Variants in CCDC30 observed in about 807,000 individuals in gnomAD.
The protein encoded by CCDC30 is coiled-coil domain containing 30, also known as coiled-coil domain-containing protein 30.
Under a neutral mutation model 100.2 loss-of-function variants are expected in CCDC30, and 70 were observed. That is an observed-to-expected ratio of 0.70 (90% CI 0.58 to 0.85). CCDC30 has a LOEUF of 0.85. Among genes scored for constraint, CCDC30 ranks in the 40% least tolerant of loss-of-function variants. CCDC30 has a pLI of 0.00. For synonymous variants in CCDC30, 233 were observed against 269.5 expected (o/e 0.86, Z 1.33); for missense variants, 652 against 771.2 (o/e 0.85, Z 1.83).
intron 6 of CCDC30, among the ~76,000 whole-genome samples, chr1:42,557,904 T>C (rs1422152079): frequency 6.6e-6 from 1 of 151,842 alleles, no homozygotes; most frequent in Non-Finnish European, 1.5e-5. Context: ...TAAGAAAGGG[T>C]AATTGGCTTA....
At position 42,638,602 on chromosome 1, in the gene CCDC30, G is replaced by A. The variant is rs182587920; in HGVS notation, c.1419+1224G>A. Among the ~76,000 whole-genome samples the A allele has an allele frequency of 4.3e-3, 643 of 150,530 alleles. 6 individuals carry two copies. The highest frequency in any genetic ancestry group is 0.015 in the African/African-American group (612 of 41,028). On this transcript the variant is annotated intron_variant, in intron 12 of 16. Transcript: ENST00000668663. Reference sequence around the variant, plus strand: ...GAAAAGAAAAGAAGAGGCAGGGCACGGTGGCTTGCGCCTGTAATCCCAGCA... The same window carrying A: ...GAAAAGAAAAGAAGAGGCAGGGCACAGTGGCTTGCGCCTGTAATCCCAGCA...
exon 15 of CCDC30, chr1:42,646,158 A>T: frequency 1.3e-6 from 2 of 1,597,018 alleles, no homozygotes; most frequent in Non-Finnish European, 8.5e-7. Flanking sequence ...TTCCTGTTCC[A>T]AAATGGTGGC....
At chr1:42,481,610 A>G (rs1485941482) in intron 2 of CCDC30, among the ~76,000 whole-genome samples, 1 of 150,190 alleles carries the variant, frequency 6.7e-6, no homozygotes, top group Non-Finnish European at 1.5e-5. Context: ...TCACCTTGGG[A>G]CTATACATAT....
At chr1:42,456,154 A>T in the CCDC30 span, 1 of 650,190 alleles carries the variant, frequency 1.5e-6, no homozygotes, top group Non-Finnish European at 2.8e-6. Flanking sequence ...GTATTGCTGA[A>T]GTTGGAAAAG....
chr1:42,514,659 C>T (rs1446000895), intron 6 of CCDC30, among the ~76,000 whole-genome samples: 1 of 151,908 alleles, frequency 6.6e-6, no homozygotes, highest in Non-Finnish European at 1.5e-5. Context: ...GTTTTGTTTT[C>T]GTTTTTGTTT....
At chr1:42,457,333 T>G in the CCDC30 span, 1 of 1,614,110 alleles carries the variant, frequency 6.2e-7, no homozygotes, top group Non-Finnish European at 8.5e-7. Flanking sequence ...GATCCAGTCA[T>G]CTGGGGGCCC....
chr1:42,492,524 T>C (rs1644160116), intron 4 of CCDC30: 1 of 153,470 alleles, frequency 6.5e-6, no homozygotes, highest in East Asian at 1.9e-4. Flanking sequence ...AAAAAGGCCA[T>C]CCTGGGCCAT....
At chr1:42,655,813 T>C (rs921525404), downstream of CCDC30, among the ~76,000 whole-genome samples, 2 of 151,798 alleles carry the variant, frequency 1.3e-5, no homozygotes, top group Non-Finnish European at 2.9e-5. Flanking sequence ...TCTCTGAGGA[T>C]GTGGATGTTC....
chr1:42,559,368 G>A (rs1645438569), intron 6 of CCDC30, among the ~76,000 whole-genome samples: 1 of 152,088 alleles, frequency 6.6e-6, no homozygotes, highest in Non-Finnish European at 1.5e-5. Context: ...AAGGAGTCAA[G>A]ACCCATTGGT....
chr1:42,476,479 TG>T (rs1270185699), intron 1 of CCDC30, among the ~76,000 whole-genome samples: 4 of 151,986 alleles, frequency 2.6e-5, no homozygotes, highest in Admixed American at 1.3e-4. Context: ...TCACCTGAGG[TG>T]GGGAGTTCGA....
intron 6 of CCDC30, among the ~76,000 whole-genome samples, chr1:42,532,629 T>C (rs539886491): frequency 6.6e-6 from 1 of 152,296 alleles, no homozygotes; most frequent in East Asian, 1.9e-4. Context: ...AAATAGACCT[T>C]GGAGTTGTAA....
chr1:42,634,212 G>C (rs1285702721), intron 11 of CCDC30, among the ~76,000 whole-genome samples: 2 of 142,186 alleles, frequency 1.4e-5, no homozygotes, highest in African/African-American at 2.7e-5. Flanking sequence ...AGGATCACTT[G>C]AGCTGGGGAG....
intron 12 of CCDC30, among the ~76,000 whole-genome samples, chr1:42,642,025 A>G (rs147402852): frequency 0.022 from 3,368 of 152,218 alleles, 129 homozygotes; most frequent in African/African-American, 0.077. Flanking sequence ...GGAGATCGAG[A>G]CCATCCTGGC....
chr1:42,569,610 G>A lies in CCDC30; in HGVS notation c.636+3135G>A, dbSNP rs142489436. The stretch of plus-strand genomic sequence containing the variant: ...AGAACCAGAAATACAATTTGACCCA[G>A]CAATCCCATTACTGGCTATACAGCC... On this transcript the variant is annotated intron_variant, in intron 7 of 16. Coordinates refer to ENST00000668663, the Ensembl canonical transcript of CCDC30. Among the ~76,000 whole-genome samples, 1,202 of 152,140 alleles carry A rather than the reference G, an allele frequency of 7.9e-3. 20 individuals carry two copies. The highest frequency in any genetic ancestry group is 0.027 in the African/African-American group (1,124 of 41,518).
intron 6 of CCDC30, among the ~76,000 whole-genome samples, chr1:42,530,684 T>C (rs1486416241): frequency 6.6e-6 from 1 of 152,192 alleles, no homozygotes. Context: ...ACAATTTACA[T>C]AGCTTTTACA....
intron 6 of CCDC30, among the ~76,000 whole-genome samples, chr1:42,532,852 G>A (rs113021118): frequency 7.9e-5 from 12 of 152,276 alleles, no homozygotes; most frequent in Admixed American, 2.6e-4. Context: ...TGCAAGCTCC[G>A]CCTCCCGGGT....
chr1:42,652,098 A>G (rs934465960), intron 15 of CCDC30, among the ~76,000 whole-genome samples: 2 of 152,172 alleles, frequency 1.3e-5, no homozygotes, highest in African/African-American at 4.8e-5. Flanking sequence ...GGTGTGTGAA[A>G]ATGTGGTATA....
At chr1:42,505,232 G>A (rs2148484505) in intron 6 of CCDC30, among the ~76,000 whole-genome samples, 1 of 152,258 alleles carries the variant, frequency 6.6e-6, no homozygotes, top group South Asian at 2.1e-4. Context: ...TGCGTTATGA[G>A]CAACCTACTC....
At chr1:42,510,333 A>G (rs1644457341) in intron 6 of CCDC30, among the ~76,000 whole-genome samples, 1 of 152,188 alleles carries the variant, frequency 6.6e-6, no homozygotes. Flanking sequence ...GGAATAGCAT[A>G]ATATCCCTTT....
Sources: gnomAD v4.1 joint callset for allele counts (sites outside exome capture counted in the v4.1 genomes callset) on GRCh38, gnomAD v4.1.1 for gene constraint, MANE v1.5 for transcripts, NCBI Gene and HGNC (gene_info 2026-07-23, HGNC 2026-07-21) for gene names.